The following NRCAM variants were observed in gnomAD, a reference collection of about 807,000 sequenced individuals.
NRCAM encodes the protein NgCAM-related cell adhesion molecule.
A neutral mutation model predicts 156.5 loss-of-function variants in NRCAM; 83 were observed. That is an observed-to-expected ratio of 0.53 (90% CI 0.44 to 0.64). NRCAM has a LOEUF of 0.64. Ranked by LOEUF, NRCAM falls within the 30% of genes least tolerant of loss-of-function variation. The pLI is 0.00. For synonymous variants in NRCAM, 538 were observed against 563.9 expected (o/e 0.95, Z 0.65); for missense variants, 1,417 against 1,597.3 (o/e 0.89, Z 1.92).
chr7:108,444,569 G>C (rs1842360927), intron 1 of NRCAM, among the ~76,000 whole-genome samples: 1 of 152,148 alleles, frequency 6.6e-6, no homozygotes, highest in African/African-American at 2.4e-5. Context: ...CTGTGAGAGA[G>C]AATCTGTTCC....
At chr7:108,262,809 G>A (rs2154002520) in intron 3 of NRCAM, among the ~76,000 whole-genome samples, 1 of 152,222 alleles carries the variant, frequency 6.6e-6, no homozygotes. Context: ...CTGCTTTGTT[G>A]GCTAGATTTT....
At chr7:108,396,049 C>T (rs1436793455) in intron 2 of NRCAM, among the ~76,000 whole-genome samples, 1 of 152,222 alleles carries the variant, frequency 6.6e-6, no homozygotes, top group Non-Finnish European at 1.5e-5. Context: ...ACAGCACTCA[C>T]CCCTTATCCA....
intron 25 of NRCAM, 60 bp from the exon 26 acceptor site, chr7:108,178,172 T>G: frequency 6.4e-7 from 1 of 1,564,984 alleles, no homozygotes; most frequent in Non-Finnish European, 8.7e-7. Context: ...ATGTATTAAA[T>G]TGACATTTCA....
chr7:108,356,525 G>A (rs1463390572), intron 2 of NRCAM, among the ~76,000 whole-genome samples: 1 of 152,130 alleles, frequency 6.6e-6, no homozygotes, highest in Non-Finnish European at 1.5e-5. Context: ...GGATGTTCAT[G>A]GCTGTGGCCT....
At chr7:108,385,427 G>A (rs2099737271) in intron 2 of NRCAM, among the ~76,000 whole-genome samples, 1 of 152,166 alleles carries the variant, frequency 6.6e-6, no homozygotes, top group South Asian at 2.1e-4. Flanking sequence ...GAATAATCAA[G>A]GAAGGCTTTG....
At chr7:108,349,712 C>G (rs1381796204) in intron 2 of NRCAM, among the ~76,000 whole-genome samples, 1 of 152,094 alleles carries the variant, frequency 6.6e-6, no homozygotes, top group African/African-American at 2.4e-5. Flanking sequence ...ATAGGAAGCA[C>G]TCCCCCTCAC....
chr7:108,338,156 G>C (rs1362388577), intron 2 of NRCAM, among the ~76,000 whole-genome samples: 1 of 152,230 alleles, frequency 6.6e-6, no homozygotes, highest in Non-Finnish European at 1.5e-5. Flanking sequence ...GTAGCCGGTT[G>C]AGATCATGGC....
At chr7:108,234,893 CGGTAACTATGT>C in intron 5 of NRCAM, 1 of 722,934 alleles carries the variant, frequency 1.4e-6, no homozygotes. Flanking sequence ...AACTTTCTTT[CGGTAACTATGT>C]GTACTTGCAA....
intron 8 of NRCAM, among the ~76,000 whole-genome samples, chr7:108,230,392 C>T (rs113463274): frequency 3.3e-5 from 5 of 152,098 alleles, no homozygotes; most frequent in Admixed American, 6.6e-5. Context: ...CTCTTTTGCC[C>T]GCTATATTCT....
intron 2 of NRCAM, among the ~76,000 whole-genome samples, chr7:108,336,931 G>A (rs1456321593): frequency 2.0e-5 from 3 of 152,086 alleles, no homozygotes; most frequent in Non-Finnish European, 2.9e-5. Flanking sequence ...ATAAGAGCAA[G>A]TAATAGTAAA....
chr7:108,265,020 CA>C (rs2154014708), intron 3 of NRCAM, among the ~76,000 whole-genome samples: 1 of 152,278 alleles, frequency 6.6e-6, no homozygotes. Context: ...CAAGTGCTCC[CA>C]GGGGCAATGG....
At chr7:108,318,337 A>G (rs2098957127) in intron 2 of NRCAM, among the ~76,000 whole-genome samples, 1 of 151,826 alleles carries the variant, frequency 6.6e-6, no homozygotes, top group African/African-American at 2.4e-5. Flanking sequence ...GAGCCCCCGC[A>G]CCTGGCCAGA....
At chr7:108,435,784 T>C (rs1831304274) in intron 1 of NRCAM, among the ~76,000 whole-genome samples, 1 of 152,240 alleles carries the variant, frequency 6.6e-6, no homozygotes, top group Non-Finnish European at 1.5e-5. Flanking sequence ...GATCTATATC[T>C]GGGCACATCA....
At chr7:108,242,965 A>G (rs1303574771) in intron 3 of NRCAM, 1 of 152,322 alleles carries the variant, frequency 6.6e-6, no homozygotes, top group East Asian at 1.9e-4. Flanking sequence ...CAGAGTATAC[A>G]TGGAGTAAAC....
At chr7:108,176,110 G>T (rs2060398119) in intron 27 of NRCAM, among the ~76,000 whole-genome samples, 1 of 152,072 alleles carries the variant, frequency 6.6e-6, no homozygotes, top group African/African-American at 2.4e-5. Flanking sequence ...GTTTGTGCAT[G>T]AATATATATA....
chr7:108,171,921 TTAGTAAAATA>T (rs1465165637), intron 28 of NRCAM, among the ~76,000 whole-genome samples: 1 of 152,174 alleles, frequency 6.6e-6, no homozygotes, highest in African/African-American at 2.4e-5. Context: ...TACTGGTTCT[TTAGTAAAATA>T]ATGTAGTGAG....
At chr7:108,286,584 C>T (rs1475569658) in intron 3 of NRCAM, among the ~76,000 whole-genome samples, 1 of 152,170 alleles carries the variant, frequency 6.6e-6, no homozygotes, top group Non-Finnish European at 1.5e-5. Flanking sequence ...ATCAGCCATT[C>T]TTCTAAGTAC....
intron 2 of NRCAM, among the ~76,000 whole-genome samples, chr7:108,348,057 T>G (rs1783296670): frequency 6.6e-6 from 1 of 152,252 alleles, no homozygotes; most frequent in Non-Finnish European, 1.5e-5. Flanking sequence ...TTCATCTTTG[T>G]GCCCCAAATA....
intron 11 of NRCAM, among the ~76,000 whole-genome samples, chr7:108,216,557 C>G (rs574053685): frequency 6.6e-6 from 1 of 152,168 alleles, no homozygotes; most frequent in Non-Finnish European, 1.5e-5. Flanking sequence ...ACCAATCAAA[C>G]GTAGGTTTGG....
Sources: allele counts gnomAD v4.1 joint callset (sites outside exome capture counted in the v4.1 genomes callset), GRCh38; gene constraint gnomAD v4.1.1; transcripts MANE v1.5; gene names NCBI Gene and HGNC (gene_info 2026-07-23, HGNC 2026-07-21).